The following PDE11A variants were observed in gnomAD, a reference collection of about 807,000 sequenced individuals.
The protein encoded by PDE11A is dual 3',5'-cyclic-AMP and -GMP phosphodiesterase 11A.
Under a neutral mutation model 100.5 loss-of-function variants are expected in PDE11A, and 100 were observed. The ratio of observed to expected loss-of-function variants is 1.00; its 90% CI spans 0.85 to 1.18. PDE11A has a LOEUF of 1.18. Among genes scored for constraint, PDE11A ranks in the 50% most tolerant of loss-of-function variants. PDE11A has a pLI of 0.00. For missense variants in PDE11A, 1,141 were observed against 1,152.6 expected, an observed-to-expected ratio of 0.99 and a Z score of 0.15; for synonymous variants, 381 against 420.8, an observed-to-expected ratio of 0.91 and a Z score of 1.16.
chr2:177,829,903 G>A (rs527318690), intron 6 of PDE11A, among the ~76,000 whole-genome samples: 4 of 152,212 alleles, frequency 2.6e-5, no homozygotes, highest in East Asian at 1.9e-4. Flanking sequence ...GTGATGTTAC[G>A]TTACATGGCA....
At chr2:177,919,896 C>T (rs1483541029) in intron 2 of PDE11A, among the ~76,000 whole-genome samples, 2 of 151,908 alleles carry the variant, frequency 1.3e-5, no homozygotes, top group Non-Finnish European at 2.9e-5. Context: ...ATGACCAAAA[C>T]AGAATAGTAC....
chr2:177,864,203 G>A (rs529027532), intron 5 of PDE11A, among the ~76,000 whole-genome samples: 1 of 152,030 alleles, frequency 6.6e-6, no homozygotes, highest in Non-Finnish European at 1.5e-5. Context: ...GTAGTCAGTG[G>A]GAAGAAAATA....
At chr2:177,861,272 G>C (rs2083941280) in intron 5 of PDE11A, among the ~76,000 whole-genome samples, 1 of 151,600 alleles carries the variant, frequency 6.6e-6, no homozygotes. Flanking sequence ...AAACTCAGCT[G>C]TATTTCTACA....
At chr2:177,696,663 A>G (rs1164513033) in intron 15 of PDE11A, among the ~76,000 whole-genome samples, 4 of 133,936 alleles carry the variant, frequency 3.0e-5, no homozygotes, top group Non-Finnish European at 6.8e-5. Context: ...CAGTAAAAGA[A>G]AGGTAAATAA....
intron 17 of PDE11A, among the ~76,000 whole-genome samples, chr2:177,669,967 T>C (rs973094848): frequency 2.0e-5 from 3 of 152,224 alleles, no homozygotes; most frequent in Admixed American, 6.5e-5. Context: ...ATTATTTCTA[T>C]GTAGATTATT....
At chr2:177,633,437 A>G (rs2079986739) in intron 19 of PDE11A, among the ~76,000 whole-genome samples, 1 of 152,220 alleles carries the variant, frequency 6.6e-6, no homozygotes, top group Non-Finnish European at 1.5e-5. Flanking sequence ...AATATGAGTA[A>G]AATGTAACTA....
At chr2:177,690,009 C>T (rs1866214) in intron 15 of PDE11A, among the ~76,000 whole-genome samples, 12,910 of 152,136 alleles carry the variant, frequency 0.085, 1,820 homozygotes, top group African/African-American at 0.29. Flanking sequence ...AGGTAAGAAC[C>T]GTGTCCTATC....
At position 177,628,151 on chromosome 2, in the gene PDE11A, G is replaced by A. The variant is rs371847618; in HGVS notation, c.*1256C>T. ...TAAGGTTAAAACATGTTCGAGAATCGTTTCCTAGTGTAATCTAATTTGACA... is the reference window on the plus strand; with the variant it reads ...TAAGGTTAAAACATGTTCGAGAATCATTTCCTAGTGTAATCTAATTTGACA... On this transcript the variant is annotated 3_prime_UTR_variant, in exon 20 of 20. Transcript: ENST00000286063. 21 of 152,708 alleles carry A rather than the reference G, an allele frequency of 1.4e-4. No homozygotes were observed. The highest frequency in any genetic ancestry group is 4.3e-4 in the African/African-American group (18 of 41,572). The allele number at this position is 152,708 out of a possible 1,614,324, so 9.5% of individuals were successfully genotyped here.
At chr2:177,789,024 C>T (rs935899086) in intron 9 of PDE11A, among the ~76,000 whole-genome samples, 4 of 152,196 alleles carry the variant, frequency 2.6e-5, no homozygotes, top group African/African-American at 9.7e-5. Flanking sequence ...AGGGAATTCT[C>T]CCTAACTCAT....
At chr2:177,916,927 A>ATTTTTTTTTTTTTTTTT (rs1183483256) in intron 2 of PDE11A, among the ~76,000 whole-genome samples, 31 of 105,302 alleles carry the variant, frequency 2.9e-4, no homozygotes, top group African/African-American at 4.7e-4. Context: ...CGCCCGGCTA[A>ATTTTTTTTTTTTTTTTT]TTTTTTTTTT....
intron 4 of PDE11A, among the ~76,000 whole-genome samples, chr2:177,892,491 A>G (rs1447474657): frequency 6.6e-6 from 1 of 152,250 alleles, no homozygotes; most frequent in African/African-American, 2.4e-5. Context: ...TTCTTTTTCT[A>G]TAACTCAACT....
intron 1 of PDE11A, among the ~76,000 whole-genome samples, chr2:178,026,408 T>A (rs1013180948): frequency 6.6e-6 from 1 of 152,160 alleles, no homozygotes; most frequent in South Asian, 2.1e-4. Context: ...ACACCTGTAA[T>A]CCCAGCACTT....
chr2:177,881,384 T>TATCTATCTATCC (rs2084339673), intron 4 of PDE11A, among the ~76,000 whole-genome samples: 1 of 146,300 alleles, frequency 6.8e-6, no homozygotes, highest in African/African-American at 2.6e-5. Flanking sequence ...TCTATCTATC[T>TATCTATCTATCC]ATCCATCTAT....
At position 178,072,221 on chromosome 2, in the gene PDE11A, C is replaced by A. The variant is rs770702538; in HGVS notation, c.217G>T (p.Gly73Cys). ...GAGCCATTTGGTCCAGTGCCACCAC[C>A]AACGCTGCTGCCACCTCTGCAGGTG... ...HSTCRGGSSVGGGTGPNGSAH... is the reference protein window; with the variant it reads ...HSTCRGGSSVCGGTGPNGSAH... Residue 73 changes from glycine to cysteine, a missense_variant, in exon 1 of 20, where the codon GGT becomes TGT. Coordinates refer to ENST00000286063, the MANE Select transcript of PDE11A (RefSeq NM_016953.4). The A allele has an allele frequency of 1.5e-5, 24 of 1,613,580 alleles. No individual in the cohort carries two copies. The highest frequency in any genetic ancestry group is 2.0e-5 in the Non-Finnish European group (24 of 1,179,772).
chr2:177,778,957 AT>A (rs60296532), intron 9 of PDE11A, among the ~76,000 whole-genome samples: 50,599 of 152,000 alleles, frequency 0.33, 8,808 homozygotes, highest in African/African-American at 0.39. Context: ...AGAAAGATTC[AT>A]TTTTTTAAAA....
rs1418034451 is a variant in PDE11A at position 177,629,238 on chromosome 2, GCT to G, written c.*167_*168del. The G allele has an allele frequency of 2.0e-5, 14 of 692,202 alleles. No homozygotes were observed. The highest frequency in any genetic ancestry group is 2.9e-5 in the Non-Finnish European group (11 of 383,022). The allele number at this position is 692,202 out of a possible 1,614,324, so 42.9% of individuals were successfully genotyped here. A position where few individuals can be genotyped will look rare whatever the true frequency, so the allele number is the denominator to read the frequency against. On this transcript the variant is annotated 3_prime_UTR_variant, in exon 20 of 20. Coordinates refer to ENST00000286063, the MANE Select transcript of PDE11A (RefSeq NM_016953.4). ...CACCTCTTTCTTTGTCCTTCCCGTT[GCT>G]CTCTCTGCTGCTGACCATGCTTCAA...
intron 18 of PDE11A, among the ~76,000 whole-genome samples, chr2:177,667,773 C>T (rs2080611968): frequency 6.6e-6 from 1 of 152,162 alleles, no homozygotes; most frequent in African/African-American, 2.4e-5. Context: ...TTGCTTCATG[C>T]CCGACACATG....
At chr2:177,640,025 CAAAG>C (rs1237670778) in intron 19 of PDE11A, among the ~76,000 whole-genome samples, 1 of 152,094 alleles carries the variant, frequency 6.6e-6, no homozygotes, top group Non-Finnish European at 1.5e-5. Context: ...AAAAAAAGGA[CAAAG>C]AGAGAAGATG....
Position 177,695,123 on chromosome 2 carries a change from G to A in PDE11A, c.2345+2209C>T, listed in dbSNP as rs188333894. On this transcript the variant is annotated intron_variant, in intron 15 of 19. Transcript: ENST00000286063. ...AAGCTAAATGGGAGTTGTGTGTGGG[G>A]GGGGAGGGGTATAATTGCTAGATAA... Among the ~76,000 whole-genome samples the A allele has an allele frequency of 2.9e-3, 447 of 151,538 alleles. 4 individuals are homozygous for A. The highest frequency in any genetic ancestry group is 9.4e-3 in the African/African-American group (391 of 41,380).
Sources: gnomAD v4.1 joint callset for allele counts (sites outside exome capture counted in the v4.1 genomes callset) on GRCh38, gnomAD v4.1.1 for gene constraint, MANE v1.5 for transcripts, NCBI Gene and HGNC (gene_info 2026-07-23, HGNC 2026-07-21) for gene names.